The following DSCAM variants were observed in gnomAD, a reference collection of about 807,000 sequenced individuals.
DSCAM encodes the protein cell adhesion molecule DSCAM.
In DSCAM, 47 loss-of-function variants were observed where a neutral mutation model predicts 217.7. The ratio of observed to expected loss-of-function variants is 0.22; its 90% CI spans 0.17 to 0.28. The LOEUF (loss-of-function observed/expected upper bound fraction) is 0.28, where lower values mean the gene tolerates loss of function less well. Ranked by LOEUF, DSCAM falls within the 10% of genes least tolerant of loss-of-function variation. The pLI, the probability that DSCAM is intolerant of heterozygous loss-of-function variation, is 1.00. For missense variants in DSCAM, 2,080 were observed against 2,618.3 expected (o/e 0.79, Z 4.49); for synonymous variants, 1,056 against 1,015.3 (o/e 1.04, Z -0.76).
At chr21:40,585,105 G>A (rs2076934380) in intron 3 of DSCAM, among the ~76,000 whole-genome samples, 1 of 151,874 alleles carries the variant, frequency 6.6e-6, no homozygotes, top group Non-Finnish European at 1.5e-5. Flanking sequence ...CTTCCTGAGG[G>A]CTCACCAGAA....
chr21:40,272,089 T>TA (rs1369135218), intron 11 of DSCAM, among the ~76,000 whole-genome samples: 23 of 150,102 alleles, frequency 1.5e-4, no homozygotes, highest in Admixed American at 1.5e-3. Flanking sequence ...TTTTTTTTTT[T>TA]AACATAAAGT....
chr21:40,431,660 T>C (rs895408627), intron 3 of DSCAM, among the ~76,000 whole-genome samples: 1 of 152,230 alleles, frequency 6.6e-6, no homozygotes, highest in East Asian at 1.9e-4. Context: ...GAGGACAGTA[T>C]CTAAAATATA....
intron 16 of DSCAM, among the ~76,000 whole-genome samples, chr21:40,165,040 C>T (rs564780268): frequency 6.6e-6 from 1 of 152,278 alleles, no homozygotes; most frequent in South Asian, 2.1e-4. Context: ...TGTCTCTGTA[C>T]TGAATGCATC....
chr21:40,623,204 T>C (rs757547754), intron 3 of DSCAM, among the ~76,000 whole-genome samples: 2 of 151,280 alleles, frequency 1.3e-5, no homozygotes, highest in South Asian at 2.1e-4. Flanking sequence ...GGCTGACTCA[T>C]TGAAGACTGC....
At chr21:40,616,244 T>C (rs1049998107) in intron 3 of DSCAM, among the ~76,000 whole-genome samples, 4 of 152,132 alleles carry the variant, frequency 2.6e-5, no homozygotes, top group South Asian at 2.1e-4. Context: ...GAGTCTCACA[T>C]CTCTTCAGGA....
chr21:40,024,190 C>T (rs1302668059), intron 32 of DSCAM, among the ~76,000 whole-genome samples: 1 of 80,312 alleles, frequency 1.2e-5, no homozygotes, highest in African/African-American at 4.6e-5. Flanking sequence ...AGATATGCGG[C>T]ATTATTTCTG....
At chr21:40,324,103 C>CAAAAAAAAAAAAAAAAAAAAAAAAAA (rs71330393) in intron 8 of DSCAM, among the ~76,000 whole-genome samples, 15 of 27,946 alleles carry the variant, frequency 5.4e-4, no homozygotes, top group Admixed American at 1.3e-3. Flanking sequence ...AACTCTGTCT[C>CAAAAAAAAAAAAAAAAAAAAAAAAAA]AAAAAAAAAA....
At chr21:40,432,211 A>AAATAAATAAATAAAT (rs1569120503) in intron 3 of DSCAM, among the ~76,000 whole-genome samples, 8 of 46,792 alleles carry the variant, frequency 1.7e-4, no homozygotes, top group Admixed American at 1.4e-3. Context: ...ATAATAATAA[A>AAATAAATAAATAAAT]AAATAAATAT....
chr21:40,783,106 G>T (rs1327478554), intron 1 of DSCAM, among the ~76,000 whole-genome samples: 4 of 152,228 alleles, frequency 2.6e-5, no homozygotes, highest in South Asian at 2.1e-4. Context: ...AGAGAGAAGG[G>T]AGAGTGTAAA....
At chr21:40,591,997 C>T (rs903026772) in intron 3 of DSCAM, among the ~76,000 whole-genome samples, 2 of 152,170 alleles carry the variant, frequency 1.3e-5, no homozygotes, top group African/African-American at 4.8e-5. Flanking sequence ...TGCCTTCTGG[C>T]ATTCAGAATT....
At chr21:40,375,650 C>T (rs1399359080) in intron 3 of DSCAM, among the ~76,000 whole-genome samples, 1 of 152,176 alleles carries the variant, frequency 6.6e-6, no homozygotes, top group Non-Finnish European at 1.5e-5. Context: ...CATTTCCCTC[C>T]TTCATCTAGA....
chr21:40,014,138 C>T (rs1450667590), intron 32 of DSCAM, among the ~76,000 whole-genome samples: 4 of 152,216 alleles, frequency 2.6e-5, no homozygotes, highest in African/African-American at 9.6e-5. Flanking sequence ...TGCCTGTAAT[C>T]CTAGAACTTC....
intron 32 of DSCAM, among the ~76,000 whole-genome samples, chr21:40,030,424 AG>A (rs2146446486): frequency 6.6e-6 from 1 of 152,290 alleles, no homozygotes; most frequent in African/African-American, 2.4e-5. Context: ...TATTTTGGAA[AG>A]AATGGCCCGG....
intron 3 of DSCAM, among the ~76,000 whole-genome samples, chr21:40,567,197 C>T (rs1445875349): frequency 6.6e-6 from 1 of 152,174 alleles, no homozygotes; most frequent in Non-Finnish European, 1.5e-5. Flanking sequence ...GGCTCCAAAA[C>T]GTATCCTGGT....
chr21:40,598,348 T>C (rs568892120), intron 3 of DSCAM, among the ~76,000 whole-genome samples: 2 of 152,294 alleles, frequency 1.3e-5, no homozygotes, highest in East Asian at 3.9e-4. Flanking sequence ...AACACTTCGG[T>C]TGATTTTAGT....
intron 1 of DSCAM, among the ~76,000 whole-genome samples, chr21:40,736,430 C>T (rs1039627896): frequency 1.3e-5 from 2 of 152,172 alleles, no homozygotes; most frequent in Non-Finnish European, 2.9e-5. Context: ...AGGGCTGTAA[C>T]GAAATATCAC....
At chr21:40,799,052 CCA>C (rs1282861645) in intron 1 of DSCAM, among the ~76,000 whole-genome samples, 2 of 152,000 alleles carry the variant, frequency 1.3e-5, no homozygotes, top group African/African-American at 4.8e-5. Context: ...TTTTAGATAT[CCA>C]CAGTTAAGTT....
chr21:40,540,515 G>A (rs982255253), intron 3 of DSCAM, among the ~76,000 whole-genome samples: 2 of 152,180 alleles, frequency 1.3e-5, no homozygotes, highest in African/African-American at 4.8e-5. Context: ...GTGTTCTAAT[G>A]TCACTAAATA....
At chr21:40,553,245 T>C (rs1273146686) in intron 3 of DSCAM, among the ~76,000 whole-genome samples, 1 of 152,262 alleles carries the variant, frequency 6.6e-6, no homozygotes, top group Non-Finnish European at 1.5e-5. Flanking sequence ...TAAGCAGTGC[T>C]TTTATGAAAG....
Sources: gnomAD v4.1 joint callset for allele counts (sites outside exome capture counted in the v4.1 genomes callset) on GRCh38, gnomAD v4.1.1 for gene constraint, MANE v1.5 for transcripts, NCBI Gene and HGNC (gene_info 2026-07-23, HGNC 2026-07-21) for gene names.